The following DTYMK variants were observed in gnomAD, a reference collection of about 807,000 sequenced individuals.
DTYMK encodes the protein thymidylate kinase.
In DTYMK, 20 loss-of-function variants were observed where a neutral mutation model predicts 20.3. That is an observed-to-expected ratio of 0.99 (90% CI 0.69 to 1.43). The LOEUF (loss-of-function observed/expected upper bound fraction) is 1.43, where lower values mean the gene tolerates loss of function less well. Ranked by LOEUF, DTYMK falls within the 40% of genes most tolerant of loss-of-function variation. The pLI is 0.00. For missense variants in DTYMK, 320 were observed against 291.1 expected, an observed-to-expected ratio of 1.10 and a Z score of -0.72; for synonymous variants, 148 against 124.4, an observed-to-expected ratio of 1.19 and a Z score of -1.27.
chr2:241,679,888 G>C (rs2069199157), intron 3 of DTYMK, among the ~76,000 whole-genome samples: 1 of 148,932 alleles, frequency 6.7e-6, no homozygotes, highest in South Asian at 2.1e-4. Flanking sequence ...ATAATCGCTT[G>C]AACTCAGGAG....
At position 241,679,971 on chromosome 2, in the gene DTYMK, C is replaced by CAA. The variant is rs766555100; in HGVS notation, c.330+256_330+257dup. On this transcript the variant is annotated intron_variant, in intron 3 of 4. Transcript: ENST00000305784. Reference sequence around the variant, plus strand: ...GTGACAGAATGAGAGACTGTCTCCCCAAAAAAAAAAAAAAAAGCGTGTGGA... The same window carrying CAA: ...GTGACAGAATGAGAGACTGTCTCCCCAAAAAAAAAAAAAAAAAAGCGTGTGGA... 1.2e-3 allele frequency among the ~76,000 whole-genome samples: 119 copies of CAA among 101,952 alleles called. 1 individual carries two copies. Among genetic ancestry groups the CAA allele is most frequent in the Middle Eastern group, 5.9e-3 (1 of 170 alleles). 66.9% of individuals were successfully genotyped at this position (101,952 alleles called of 152,430 possible).
chr2:241,683,501 T>C (rs2069312547), intron 2 of DTYMK, among the ~76,000 whole-genome samples: 1 of 152,170 alleles, frequency 6.6e-6, no homozygotes, highest in Non-Finnish European at 1.5e-5. Context: ...TTTCTTCCAA[T>C]GTGGCCCAGG....
intron 1 of DTYMK, 73 bp downstream of exon 1, chr2:241,686,581 A>C: frequency 7.1e-7 from 1 of 1,409,986 alleles, no homozygotes; most frequent in Non-Finnish European, 9.1e-7. Context: ...GCAGACAACG[A>C]AGCGGAGCAA....
At position 241,685,791 on chromosome 2, in the gene DTYMK, A is replaced by G; in HGVS notation, c.217T>C (p.Ser73Pro). Residue 73 changes from serine (S) to proline (P), a missense_variant, in exon 2 of 5, where the codon TCT becomes CCT. By Grantham distance (74) the Ser-to-Pro change is moderately conservative. Coordinates refer to ENST00000305784, the MANE Select transcript of DTYMK (RefSeq NM_012145.4). ...TACACTTGTTCCCAGCGATTTGCAG[A>G]AAAAAGCAGGTGCACCGAGTGATCC... ...VEDHSVHLLF[S>P]ANRWEQVPLI... The G allele has an allele frequency of 1.9e-6, 3 of 1,614,088 alleles. No individual in the cohort carries two copies. Among genetic ancestry groups the G allele is most frequent in the Non-Finnish European group, 1.7e-6 (2 of 1,179,912 alleles).
intron 2 of DTYMK, 34 bp from the exon 3 acceptor site, chr2:241,680,353 G>C: frequency 6.2e-7 from 1 of 1,609,822 alleles, no homozygotes; most frequent in Non-Finnish European, 8.5e-7. Context: ...CCCTGGTCCT[G>C]TTTCATAGGC....
chr2:241,680,110 A>C, intron 3 of DTYMK, 119 bp downstream of exon 3: 3 of 872,892 alleles, frequency 3.4e-6, no homozygotes, highest in Non-Finnish European at 5.4e-6. Context: ...GATAAAAGGA[A>C]TATAAGAATC....
rs753218438 is a variant in DTYMK, at chr2:241,686,698, G to C, written c.86C>G (p.Ala29Gly). 2.6e-6 allele frequency: 4 copies of C among 1,539,266 alleles called. No individual in the cohort carries two copies. Among genetic ancestry groups the C allele is most frequent in the African/African-American group, 1.4e-5 (1 of 70,192 alleles). ...GGCGCGGTGGCCCGCGGCGCACAGC[G>C]CTTCCACCAGCTTGCGGCTCTGCGT... ...KSTQSRKLVE[A>G]LCAAGHRAEL... Residue 29 changes from alanine (A) to glycine (G), a missense_variant, in exon 1 of 5, where the codon GCG becomes GGG. Physicochemically the swap from Ala to Gly is moderately conservative, Grantham distance 60 (BLOSUM62 0). Transcript: ENST00000305784.
chr2:241,686,616 C>G, intron 1 of DTYMK, 38 bp downstream of exon 1: 1 of 1,472,098 alleles, frequency 6.8e-7, no homozygotes, highest in Non-Finnish European at 8.9e-7. Flanking sequence ...GGCAGAGGCA[C>G]CGAAGGCCGC....
intron 4 of DTYMK, among the ~76,000 whole-genome samples, chr2:241,677,031 A>G (rs1438580268): frequency 6.6e-6 from 1 of 152,230 alleles, no homozygotes; most frequent in Non-Finnish European, 1.5e-5. Context: ...GGGAGGGCAT[A>G]AGCCCGCAGG....
chr2:241,675,895 G>A lies in DTYMK; in HGVS notation c.*232C>T, dbSNP rs912000406. ...AGAGTGCCATCAGGACAGGGGAGAG[G>A]GCAGGAGACTGCTCCATCGCTCTGC... On this transcript the variant is annotated 3_prime_UTR_variant, in exon 5 of 5. Transcript: ENST00000305784. 2 of 456,754 alleles carry A rather than the reference G, an allele frequency of 4.4e-6. No individual in the cohort carries two copies. The highest frequency in any genetic ancestry group is 7.8e-6 in the Non-Finnish European group (2 of 256,470). 28.3% of individuals were successfully genotyped at this position (456,754 alleles called of 1,614,324 possible).
rs761359926 is a variant in DTYMK at position 241,686,644 on chromosome 2, G to A, written c.130+10C>T. 13 of 1,502,266 alleles carry A rather than the reference G, an allele frequency of 8.7e-6. No individual in the cohort carries two copies. The South Asian group carries it at 1.1e-4, about 13-fold the overall frequency. 93.1% of individuals were successfully genotyped at this position (1,502,266 alleles called of 1,614,324 possible). ...AAGGCCGCGGCGCACCCCCCGCCGC[G>A]CGCACCCACCCGGGAACCGGAGCAG... is the stretch of plus-strand genomic sequence containing the variant. On this transcript the variant is annotated intron_variant, in intron 1 of 4. Coordinates refer to ENST00000305784, the MANE Select transcript of DTYMK (RefSeq NM_012145.4).
rs1453432742 is a variant in DTYMK at position 241,676,248 on chromosome 2, C to T, written c.529-11G>A. 2.2e-5 allele frequency: 36 copies of T among 1,605,412 alleles called. No homozygotes were observed. Among genetic ancestry groups the T allele is most frequent in the African/African-American group, 1.1e-4 (8 of 74,696 alleles). The stretch of plus-strand genomic sequence containing the variant: ...GGAAGCATCCACCATCTGTTCCCAC[C>T]GGGGTTTCAGGAGAAAAAGAGGCTC... On this transcript the variant is annotated splice_polypyrimidine_tract_variant and intron_variant, in intron 4 of 4. Coordinates refer to ENST00000305784, the MANE Select transcript of DTYMK (RefSeq NM_012145.4).
chr2:241,679,832 G>A lies in DTYMK; in HGVS notation c.330+397C>T, dbSNP rs187213079. Among the ~76,000 whole-genome samples the A allele has an allele frequency of 5.9e-5, 9 of 152,186 alleles. No individual in the cohort carries two copies. In the East Asian group the frequency reaches 1.5e-3, roughly 26 times the overall value. Reference sequence around the variant, plus strand: ...AAAAGTATGAAAATTAGCTGGGCACGGTGGTGCATGCCTATAATCCCAGAT... The same window carrying A: ...AAAAGTATGAAAATTAGCTGGGCACAGTGGTGCATGCCTATAATCCCAGAT... On this transcript the variant is annotated intron_variant, in intron 3 of 4. Coordinates refer to ENST00000305784, the MANE Select transcript of DTYMK (RefSeq NM_012145.4).
At chr2:241,684,859 T>A (rs2069343247) in intron 2 of DTYMK, 2 of 409,068 alleles carry the variant, frequency 4.9e-6, no homozygotes, top group Non-Finnish European at 1.0e-5. Context: ...ACACAGCACA[T>A]AAATAATGGG....
Position 241,678,605 on chromosome 2 carries a change from G to T in DTYMK, c.375C>A (p.Pro125=), listed in dbSNP as rs1416072231. The T allele has an allele frequency of 6.2e-7, 1 of 1,614,040 alleles. No homozygotes were observed. The highest frequency in any genetic ancestry group is 1.3e-5 in the African/African-American group (1 of 74,922). The change falls in exon 4 of 5, where the codon CCC becomes CCA. Residue 125 remains proline, a synonymous_variant. Coordinates refer to ENST00000305784, the MANE Select transcript of DTYMK (RefSeq NM_012145.4). ...DWCKQPDVGL[P]KPDLVLFLQL... ...GGAGGAACAGGACCAGGTCGGGTTTGGGAAGGCCCACGTCTGGCTGTTTAC... is the reference window on the plus strand; with the variant it reads ...GGAGGAACAGGACCAGGTCGGGTTTTGGAAGGCCCACGTCTGGCTGTTTAC...
At chr2:241,680,346 T>C (rs1575105237) in intron 2 of DTYMK, 27 bp from the exon 3 acceptor site, 5 of 1,612,900 alleles carry the variant, frequency 3.1e-6, no homozygotes, top group Non-Finnish European at 4.2e-6. Context: ...TCCTGAGCCC[T>C]GGTCCTGTTT....
intron 3 of DTYMK, among the ~76,000 whole-genome samples, chr2:241,679,242 G>A (rs998508688): frequency 6.6e-6 from 1 of 152,120 alleles, no homozygotes; most frequent in Non-Finnish European, 1.5e-5. Context: ...TCCTGTTTCC[G>A]GAGGAAAGGT....
chr2:241,682,756 T>C, intron 2 of DTYMK: 1 of 166,070 alleles, frequency 6.0e-6, no homozygotes, highest in Non-Finnish European at 1.3e-5. Flanking sequence ...ACCCCATCAC[T>C]AACTAAAAAA....
chr2:241,683,774 T>C (rs571767545), intron 2 of DTYMK, among the ~76,000 whole-genome samples: 5 of 152,254 alleles, frequency 3.3e-5, no homozygotes, highest in African/African-American at 1.2e-4. Flanking sequence ...ACATGAACTA[T>C]TGGTCGGGCA....
Sources: allele counts gnomAD v4.1 joint callset (sites outside exome capture counted in the v4.1 genomes callset), GRCh38; gene constraint gnomAD v4.1.1; transcripts MANE v1.5; gene names NCBI Gene and HGNC (gene_info 2026-07-23, HGNC 2026-07-21).